The following CRADD variants were observed in gnomAD, a reference collection of about 807,000 sequenced individuals.
CRADD encodes death domain-containing protein CRADD.
In CRADD, 9 loss-of-function variants were observed where a neutral mutation model predicts 15.5. The observed-to-expected ratio is 0.58, with a 90% confidence interval of 0.35 to 1.01. CRADD has a LOEUF of 1.01. CRADD is among the 50% of genes least tolerant of loss of function. The probability of loss-of-function intolerance (pLI) is 0.02; values close to 1 mark genes in which losing one functional copy is unlikely to be tolerated. For synonymous variants in CRADD, 118 were observed against 107.6 expected (o/e 1.10, Z -0.60); for missense variants, 227 against 250.3 (o/e 0.91, Z 0.63).
chr12:93,721,350 A>G (rs1008833031), intron 2 of CRADD, among the ~76,000 whole-genome samples: 2 of 152,212 alleles, frequency 1.3e-5, no homozygotes, highest in African/African-American at 2.4e-5. Flanking sequence ...GTATTTCATT[A>G]TAATAATGAA....
intron 2 of CRADD, among the ~76,000 whole-genome samples, chr12:93,891,562 G>A (rs1251270847): frequency 6.6e-6 from 1 of 152,240 alleles, no homozygotes; most frequent in Non-Finnish European, 1.5e-5. Context: ...GGGGACTGGG[G>A]TATGCAGGGA....
intron 2 of CRADD, chr12:93,837,583 A>G (rs923789585): frequency 2.6e-5 from 4 of 152,156 alleles, no homozygotes; most frequent in African/African-American, 9.7e-5. Context: ...GTGATCTTTA[A>G]AAGGCAGAAA....
chr12:93,821,858 C>T (rs1014439327), intron 2 of CRADD, among the ~76,000 whole-genome samples: 2 of 152,148 alleles, frequency 1.3e-5, no homozygotes, highest in African/African-American at 4.8e-5. Context: ...TGGCTCATGC[C>T]TGTAATCCCA....
chr12:93,683,183 C>A (rs1182103279), intron 2 of CRADD, among the ~76,000 whole-genome samples: 1 of 152,136 alleles, frequency 6.6e-6, no homozygotes, highest in African/African-American at 2.4e-5. Flanking sequence ...AGGTTGATGG[C>A]AGCCCAGCCT....
At chr12:93,820,854 G>T (rs1159584983) in intron 2 of CRADD, among the ~76,000 whole-genome samples, 1 of 152,182 alleles carries the variant, frequency 6.6e-6, no homozygotes, top group Non-Finnish European at 1.5e-5. Context: ...TCCCAGCTCT[G>T]TCCTGTCACC....
At chr12:93,807,244 T>C (rs1957549660) in intron 2 of CRADD, among the ~76,000 whole-genome samples, 1 of 152,142 alleles carries the variant, frequency 6.6e-6, no homozygotes, top group Non-Finnish European at 1.5e-5. Context: ...GGAAGTCCAT[T>C]TGAAGACTGC....
chr12:93,763,266 G>GT (rs764312679), intron 2 of CRADD, among the ~76,000 whole-genome samples: 1 of 152,114 alleles, frequency 6.6e-6, no homozygotes, highest in Admixed American at 6.5e-5. Flanking sequence ...TGTATTTCTA[G>GT]TATCATTGTT....
chr12:93,693,642 ATAG>A (rs1485788901), intron 2 of CRADD, among the ~76,000 whole-genome samples: 1 of 152,104 alleles, frequency 6.6e-6, no homozygotes, highest in Non-Finnish European at 1.5e-5. Context: ...GAATATAGTA[ATAG>A]TAGAGAACTT....
At chr12:93,760,826 T>C (rs1956946067) in intron 2 of CRADD, among the ~76,000 whole-genome samples, 1 of 152,044 alleles carries the variant, frequency 6.6e-6, no homozygotes, top group African/African-American at 2.4e-5. Context: ...TTAGTGATGA[T>C]TTGCTGACAC....
intron 2 of CRADD, among the ~76,000 whole-genome samples, chr12:93,829,050 A>C (rs1957858510): frequency 6.6e-6 from 1 of 152,086 alleles, no homozygotes; most frequent in Non-Finnish European, 1.5e-5. Flanking sequence ...TGTGAAAAAT[A>C]GTGTTATTTG....
intron 2 of CRADD, among the ~76,000 whole-genome samples, chr12:93,867,404 T>TATATATATA (rs1491540248): frequency 1.7e-4 from 21 of 127,248 alleles, no homozygotes; most frequent in East Asian, 2.7e-4. Flanking sequence ...TATATATATA[T>TATATATATA]TTTTTAAACT....
At chr12:93,789,393 A>C (rs1177049703) in intron 2 of CRADD, among the ~76,000 whole-genome samples, 1 of 152,208 alleles carries the variant, frequency 6.6e-6, no homozygotes, top group Non-Finnish European at 1.5e-5. Flanking sequence ...CTGAAGATAC[A>C]GTATTCGACT....
At chr12:93,687,497 T>A (rs1462331141) in intron 2 of CRADD, among the ~76,000 whole-genome samples, 2 of 152,108 alleles carry the variant, frequency 1.3e-5, no homozygotes, top group African/African-American at 2.4e-5. Context: ...AATGGGATGT[T>A]AAAGGCACAC....
intron 2 of CRADD, among the ~76,000 whole-genome samples, chr12:93,754,890 A>T (rs1486009331): frequency 6.6e-6 from 1 of 151,886 alleles, no homozygotes. Flanking sequence ...GCAGCACCTC[A>T]TTCCCAGTAC....
intron 2 of CRADD, among the ~76,000 whole-genome samples, chr12:93,761,162 A>G (rs1166101653): frequency 1.3e-5 from 2 of 152,214 alleles, no homozygotes; most frequent in East Asian, 1.9e-4. Context: ...GGACCCAGAC[A>G]TCAGCATTTT....
chr12:93,803,855 C>G (rs889192714), intron 2 of CRADD, among the ~76,000 whole-genome samples: 1 of 152,052 alleles, frequency 6.6e-6, no homozygotes, highest in African/African-American at 2.4e-5. Context: ...TGGGCCCAAC[C>G]TAATCACAAG....
chr12:93,856,915 G>T (rs949656550), intron 2 of CRADD, among the ~76,000 whole-genome samples: 3 of 152,168 alleles, frequency 2.0e-5, no homozygotes, highest in East Asian at 3.8e-4. Context: ...ATAACTGCCT[G>T]TTTACTTCTT....
At chr12:93,810,919 C>T (rs1235058142) in intron 2 of CRADD, among the ~76,000 whole-genome samples, 1 of 152,244 alleles carries the variant, frequency 6.6e-6, no homozygotes, top group Non-Finnish European at 1.5e-5. Flanking sequence ...CAATGCAAAA[C>T]TCCCTTGTCT....
chr12:93,820,018 C>T (rs1382325362), intron 2 of CRADD, among the ~76,000 whole-genome samples: 2 of 152,242 alleles, frequency 1.3e-5, no homozygotes, highest in African/African-American at 2.4e-5. Flanking sequence ...CTACCTGCTC[C>T]TCCTTCAGTC....
Sources: gnomAD v4.1 joint callset for allele counts (sites outside exome capture counted in the v4.1 genomes callset) on GRCh38, gnomAD v4.1.1 for gene constraint, MANE v1.5 for transcripts, NCBI Gene and HGNC (gene_info 2026-07-23, HGNC 2026-07-21) for gene names.